The following CHODL variants were observed in gnomAD, a reference collection of about 807,000 sequenced individuals.
CHODL encodes transmembrane protein MT75.
Under a neutral mutation model 34.5 loss-of-function variants are expected in CHODL, and 29 were observed. The ratio of observed to expected loss-of-function variants is 0.84; its 90% confidence interval spans 0.63 to 1.15. CHODL has a LOEUF of 1.15. CHODL is among the 50% of genes most tolerant of loss of function. The probability of loss-of-function intolerance (pLI) is 0.00; values close to 1 mark genes in which losing one functional copy is unlikely to be tolerated. For missense variants in CHODL, 332 were observed against 332.5 expected (o/e 1.00, Z 0.01); for synonymous variants, 125 against 116.1 (o/e 1.08, Z -0.49).
Position 17,978,228 on chromosome 21 carries a change from C to A in CHODL, c.-144-49644C>A, listed in dbSNP as rs148498632. On this transcript the variant is annotated intron_variant, in intron 1 of 6. Transcript: ENST00000400127. ...TACGAGGTCAGGAGTTTGAGACCAG[C>A]CTGGCCAGCATGGTGAAACCCTGTC... Among the ~76,000 whole-genome samples, 16 of 151,596 alleles carry A rather than the reference C, an allele frequency of 1.1e-4. No individual in the cohort carries two copies. In the East Asian group the frequency reaches 3.1e-3, roughly 30 times the overall value.
intron 1 of CHODL, among the ~76,000 whole-genome samples, chr21:17,966,057 A>G (rs1006635651): frequency 6.6e-6 from 1 of 151,952 alleles, no homozygotes; most frequent in African/African-American, 2.4e-5. Context: ...TTAATATTAT[A>G]TGTCTAACGG....
At chr21:18,061,209 G>T (rs1161899114) in intron 2 of CHODL, among the ~76,000 whole-genome samples, 1 of 152,148 alleles carries the variant, frequency 6.6e-6, no homozygotes, top group East Asian at 1.9e-4. Flanking sequence ...TTCCTTTTCA[G>T]CAGCAACCAT....
chr21:18,143,200 T>C (rs892149163), intron 2 of CHODL, among the ~76,000 whole-genome samples: 10 of 152,174 alleles, frequency 6.6e-5, no homozygotes, highest in African/African-American at 2.4e-4. Context: ...AGGAGCATAT[T>C]TTCCAGGTTA....
At chr21:18,058,375 A>AGT (rs1455103567) in intron 2 of CHODL, among the ~76,000 whole-genome samples, 6 of 152,202 alleles carry the variant, frequency 3.9e-5, no homozygotes, top group Non-Finnish European at 1.5e-5. Context: ...AAAGAAAATC[A>AGT]GTGTATCAAA....
chr21:18,039,274 A>G (rs1046478623), intron 2 of CHODL, among the ~76,000 whole-genome samples: 24 of 151,784 alleles, frequency 1.6e-4, no homozygotes, highest in African/African-American at 5.8e-4. Context: ...ATATTTTAAG[A>G]AGAAATCTAT....
At chr21:18,136,838 TG>T (rs1353207693) in intron 2 of CHODL, among the ~76,000 whole-genome samples, 1 of 150,258 alleles carries the variant, frequency 6.7e-6, no homozygotes, top group Non-Finnish European at 1.5e-5. Flanking sequence ...AAATAGTTTT[TG>T]TTAGGAGCCA....
At position 18,256,997 on chromosome 21, in the gene CHODL, C is replaced by A. The variant is rs139359296; in HGVS notation, c.417C>A (p.Cys139Ter). The change falls in exon 3 of 6, where the codon TGC becomes TGA. Residue 139 changes from cysteine to a stop codon, truncating the protein, a stop_gained. Coordinates refer to ENST00000299295, the MANE Select transcript of CHODL (RefSeq NM_024944.3). LOFTEE classifies it high-confidence loss of function. ...ACTGGTACACAGATGAACCTTCCTG[C>A]GGAAGTGAAAAGTGTGTTGTGATGT... Reference protein sequence around the residue: ...YRNWYTDEPSCGSEKCVVMYH... With the variant: ...YRNWYTDEPS 2 of 1,613,470 alleles carry A rather than the reference C, an allele frequency of 1.2e-6. No individual in the cohort carries two copies. Among genetic ancestry groups the A allele is most frequent in the East Asian group, 2.2e-5 (1 of 44,868 alleles).
chr21:18,086,292 T>A (rs1239616236), intron 2 of CHODL, among the ~76,000 whole-genome samples: 1 of 152,100 alleles, frequency 6.6e-6, no homozygotes. Flanking sequence ...GTTTTCAGAT[T>A]TCTCTTGCAT....
chr21:18,077,363 A>G (rs2064878681), intron 2 of CHODL, among the ~76,000 whole-genome samples: 1 of 152,134 alleles, frequency 6.6e-6, no homozygotes, highest in Non-Finnish European at 1.5e-5. Context: ...TTTATATGAG[A>G]CTTTGGACTT....
chr21:18,068,002 A>T (rs190116585), intron 2 of CHODL, among the ~76,000 whole-genome samples: 1 of 152,026 alleles, frequency 6.6e-6, no homozygotes, highest in African/African-American at 2.4e-5. Flanking sequence ...CAAGTCTTCC[A>T]TCTTTCTCTT....
At chr21:18,152,475 A>G (rs1293863874) in intron 2 of CHODL, among the ~76,000 whole-genome samples, 1 of 152,196 alleles carries the variant, frequency 6.6e-6, no homozygotes, top group Non-Finnish European at 1.5e-5. Flanking sequence ...TCTGAAGCTC[A>G]GGGTCCTCTT....
chr21:18,246,208 T>A (rs779390028), intron 1 of CHODL, among the ~76,000 whole-genome samples: 28 of 152,208 alleles, frequency 1.8e-4, no homozygotes, highest in Non-Finnish European at 4.1e-4. Flanking sequence ...TAGCTACACT[T>A]TATTGAAATC....
chr21:18,039,696 C>A lies in CHODL; in HGVS notation c.-45+11725C>A, dbSNP rs147653134. Among the ~76,000 whole-genome samples, 1,037 of 151,806 alleles carry A rather than the reference C, an allele frequency of 6.8e-3. 12 individuals carry two copies. The highest frequency in any genetic ancestry group is 0.023 in the African/African-American group (974 of 41,510). ...TCCTGAATATAAATTACTCCCTATC[C>A]TCTATTACTTATTGGAAAAACCTAA... On this transcript the variant is annotated intron_variant, in intron 2 of 6. Transcript: ENST00000400127.
intron 2 of CHODL, among the ~76,000 whole-genome samples, chr21:18,136,473 T>G (rs1735282): frequency 0.082 from 12,446 of 152,038 alleles, 1,626 homozygotes; most frequent in African/African-American, 0.28. Flanking sequence ...GGAATGGGGA[T>G]CATCATCTCT....
At chr21:17,954,138 A>G (rs1406250182) in intron 1 of CHODL, among the ~76,000 whole-genome samples, 1 of 152,240 alleles carries the variant, frequency 6.6e-6, no homozygotes, top group East Asian at 1.9e-4. Flanking sequence ...CCATAATATC[A>G]GAAAAAGTAG....
At chr21:18,113,275 G>C (rs577887809) in intron 2 of CHODL, among the ~76,000 whole-genome samples, 39 of 152,304 alleles carry the variant, frequency 2.6e-4, no homozygotes, top group African/African-American at 9.4e-4. Context: ...CGAGGATGCG[G>C]AGAAAAGTGA....
intron 2 of CHODL, among the ~76,000 whole-genome samples, chr21:18,188,560 G>A (rs2073472111): frequency 6.6e-6 from 1 of 152,204 alleles, no homozygotes; most frequent in South Asian, 2.1e-4. Flanking sequence ...AGTGCTACAT[G>A]CCACATTGCT....
chr21:18,173,692 A>G (rs565648712), intron 2 of CHODL, among the ~76,000 whole-genome samples: 1 of 152,190 alleles, frequency 6.6e-6, no homozygotes, highest in East Asian at 1.9e-4. Context: ...TATGCTATCT[A>G]CATTGGTCTT....
At chr21:18,105,860 G>T (rs2065266523) in intron 2 of CHODL, among the ~76,000 whole-genome samples, 1 of 152,142 alleles carries the variant, frequency 6.6e-6, no homozygotes, top group Admixed American at 6.5e-5. Flanking sequence ...CAAGGTTTGG[G>T]TGATTCCAAT....
Sources: allele counts gnomAD v4.1 joint callset (sites outside exome capture counted in the v4.1 genomes callset), GRCh38; gene constraint gnomAD v4.1.1; transcripts MANE v1.5; gene names NCBI Gene and HGNC (gene_info 2026-07-23, HGNC 2026-07-21).